SPECC1L: variants seen among roughly 807,000 people sequenced by gnomAD.
SPECC1L encodes the protein cytospin-A.
Under a neutral mutation model 116.8 loss-of-function variants are expected in SPECC1L, and 40 were observed. The observed-to-expected ratio is 0.34, with a 90% confidence interval of 0.27 to 0.45. The LOEUF (loss-of-function observed/expected upper bound fraction) is 0.45. Among genes scored for constraint, SPECC1L ranks in the 20% least tolerant of loss-of-function variants. SPECC1L has a pLI of 1.00. For synonymous variants in SPECC1L, 504 were observed against 500.6 expected, an observed-to-expected ratio of 1.01 and a Z score of -0.09; for missense variants, 1,110 against 1,373.6, an observed-to-expected ratio of 0.81 and a Z score of 3.03.
intron 2 of SPECC1L, among the ~76,000 whole-genome samples, chr22:24,289,841 T>G (rs1308461653): frequency 6.6e-6 from 1 of 152,186 alleles, no homozygotes; most frequent in East Asian, 1.9e-4. Context: ...GCCCTAGTAT[T>G]TGTGCAGTGT....
intron 2 of SPECC1L, among the ~76,000 whole-genome samples, chr22:24,280,234 T>C (rs2048916082): frequency 6.6e-6 from 1 of 152,192 alleles, no homozygotes; most frequent in Non-Finnish European, 1.5e-5. Flanking sequence ...CTTTACATAA[T>C]GACGAATGGT....
intron 14 of SPECC1L, among the ~76,000 whole-genome samples, chr22:24,407,688 A>G (rs1373327219): frequency 3.9e-5 from 6 of 152,144 alleles, no homozygotes; most frequent in Non-Finnish European, 7.4e-5. Context: ...CTCTTTCATC[A>G]AGCACTTAGT....
chr22:24,284,694 GA>G (rs2049009094), intron 2 of SPECC1L, among the ~76,000 whole-genome samples: 1 of 152,126 alleles, frequency 6.6e-6, no homozygotes, highest in African/African-American at 2.4e-5. Flanking sequence ...CTTGGCCTCT[GA>G]AAGTGCTGGG....
chr22:24,319,440 C>T (rs2040674208), intron 4 of SPECC1L, among the ~76,000 whole-genome samples: 1 of 152,182 alleles, frequency 6.6e-6, no homozygotes. Flanking sequence ...CAGGTCCCTC[C>T]CGAAACACAT....
At chr22:24,317,338 C>T (rs1199958153) in intron 4 of SPECC1L, among the ~76,000 whole-genome samples, 43 of 111,614 alleles carry the variant, frequency 3.9e-4, no homozygotes, top group Non-Finnish European at 5.4e-4. Flanking sequence ...CCCTCCCGGA[C>T]GGGGCGGCTG....
chr22:24,404,183 G>T (rs1314308503), intron 14 of SPECC1L, among the ~76,000 whole-genome samples: 2 of 152,092 alleles, frequency 1.3e-5, no homozygotes, highest in African/African-American at 4.8e-5. Context: ...ATTAAAGGCT[G>T]TTCTCCTCAG....
Position 24,365,012 on chromosome 22 carries a change from T to A in SPECC1L, c.2828-464T>A, listed in dbSNP as rs530279194. On this transcript the variant is annotated intron_variant, in intron 12 of 16. Transcript: ENST00000314328. Reference sequence around the variant, plus strand: ...TTTTCACAGTTTTTTTGTTTGTTTGTTTTTTGTTTTTGAGATGGAGTCTCT... The same window carrying A: ...TTTTCACAGTTTTTTTGTTTGTTTGATTTTTGTTTTTGAGATGGAGTCTCT... 7.4e-4 allele frequency among the ~76,000 whole-genome samples: 113 copies of A among 152,136 alleles called. 3 individuals are homozygous for A. The South Asian group carries it at 0.022, about 30-fold the overall frequency.
chr22:24,290,331 G>A (rs1355552200), intron 2 of SPECC1L, among the ~76,000 whole-genome samples: 1 of 152,176 alleles, frequency 6.6e-6, no homozygotes, highest in Admixed American at 6.5e-5. Context: ...TGGAGTTGGA[G>A]GTAGAAACAG....
intron 14 of SPECC1L, among the ~76,000 whole-genome samples, chr22:24,396,305 T>TG (rs2042367992): frequency 6.6e-6 from 1 of 151,762 alleles, no homozygotes; most frequent in Non-Finnish European, 1.5e-5. Context: ...GTTTTTTTTT[T>TG]TTGTTGTTGT....
chr22:24,380,858 T>C (rs1457843823), intron 14 of SPECC1L, among the ~76,000 whole-genome samples: 4 of 151,182 alleles, frequency 2.6e-5, no homozygotes, highest in Non-Finnish European at 5.9e-5. Context: ...GGGTTGGGTC[T>C]TCCTTTTTTT....
chr22:24,374,374 A>G (rs1052345646), intron 14 of SPECC1L, among the ~76,000 whole-genome samples: 3 of 152,172 alleles, frequency 2.0e-5, no homozygotes, highest in Non-Finnish European at 2.9e-5. Context: ...AACCAAGCCA[A>G]ATGCCCAAGA....
In SPECC1L at chr22:24,413,606, G is replaced by A. The variant is rs200351778; in HGVS notation, c.3264+899G>A. ...CAGGTGCATCTAAATCCCTAGAAAT[G>A]TGCATTTTTTAGGGTGGCCTCTGTT... On this transcript the variant is annotated intron_variant, in intron 16 of 16. Transcript: ENST00000314328. 2.6e-5 allele frequency among the ~76,000 whole-genome samples: 4 copies of A among 152,326 alleles called. No individual in the cohort carries two copies. In the East Asian group the frequency reaches 7.7e-4, roughly 29 times the overall value.
chr22:24,304,967 T>C (rs1407688039), intron 3 of SPECC1L, among the ~76,000 whole-genome samples: 1 of 152,148 alleles, frequency 6.6e-6, no homozygotes, highest in East Asian at 1.9e-4. Flanking sequence ...TTACAAAGAG[T>C]AGGCTGAACA....
At chr22:24,320,725 T>G (rs1434946249) in intron 4 of SPECC1L, among the ~76,000 whole-genome samples, 4 of 152,262 alleles carry the variant, frequency 2.6e-5, no homozygotes, top group Non-Finnish European at 5.9e-5. Flanking sequence ...TGTTATTATT[T>G]ATGTGGCATT....
intron 14 of SPECC1L, among the ~76,000 whole-genome samples, chr22:24,400,303 A>C (rs2042447991): frequency 2.0e-5 from 3 of 152,242 alleles, no homozygotes; most frequent in Admixed American, 6.5e-5. Context: ...TGGATATTTC[A>C]TATAAATAGA....
At chr22:24,356,808 A>G (rs1312585320) in intron 11 of SPECC1L, among the ~76,000 whole-genome samples, 1 of 151,810 alleles carries the variant, frequency 6.6e-6, no homozygotes, top group East Asian at 1.9e-4. Context: ...CTGACTTATT[A>G]TTTGTATCCA....
intron 7 of SPECC1L, among the ~76,000 whole-genome samples, chr22:24,329,653 G>T (rs1046212435): frequency 6.6e-5 from 10 of 152,190 alleles, no homozygotes; most frequent in Non-Finnish European, 1.0e-4. Context: ...GTCCCAGGGA[G>T]ACTTCCCCAC....
intron 14 of SPECC1L, among the ~76,000 whole-genome samples, chr22:24,381,855 G>T (rs2042068638): frequency 1.3e-5 from 2 of 152,228 alleles, no homozygotes; most frequent in African/African-American, 4.8e-5. Flanking sequence ...CTGCACTCCA[G>T]TCTGGGCGAC....
At chr22:24,321,187 C>T in intron 4 of SPECC1L, 101 bp from the exon 5 acceptor site, 1 of 1,302,884 alleles carries the variant, frequency 7.7e-7, no homozygotes, top group South Asian at 1.2e-5. Flanking sequence ...TTGTGTAGAT[C>T]CTGGATTTCA....
Sources: gnomAD v4.1 joint callset for allele counts (sites outside exome capture counted in the v4.1 genomes callset) on GRCh38, gnomAD v4.1.1 for gene constraint, MANE v1.5 for transcripts, NCBI Gene and HGNC (gene_info 2026-07-23, HGNC 2026-07-21) for gene names.